The following FRMPD4 variants were observed in gnomAD, a reference collection of about 807,000 sequenced individuals.
FRMPD4 encodes the protein FERM and PDZ domain-containing protein 4.
Under a neutral mutation model 94.1 loss-of-function variants are expected in FRMPD4, and 22 were observed. The ratio of observed to expected loss-of-function variants is 0.23; its 90% CI spans 0.17 to 0.33. The LOEUF (loss-of-function observed/expected upper bound fraction) is 0.33, where lower values mean the gene tolerates loss of function less well. Among genes scored for constraint, FRMPD4 ranks in the 10% least tolerant of loss-of-function variants. The pLI is 1.00. For synonymous variants in FRMPD4, 631 were observed against 548.6 expected, an observed-to-expected ratio of 1.15 and a Z score of -2.10; for missense variants, 1,111 against 1,339.9, an observed-to-expected ratio of 0.83 and a Z score of 2.67.
At chrX:11,930,221 C>T (rs1234718111) in intron 3 of FRMPD4, among the ~76,000 whole-genome samples, 1 of 107,711 alleles carries the variant, frequency 9.3e-6, no homozygotes, top group Non-Finnish European at 1.9e-5. Context: ...GTGGCCCAAT[C>T]ACAGCCTGCA....
At chrX:12,468,663 AC>A (rs1308370156) in intron 1 of FRMPD4, among the ~76,000 whole-genome samples, 3 of 111,673 alleles carry the variant, frequency 2.7e-5, no homozygotes, top group Non-Finnish European at 5.6e-5. Flanking sequence ...CAACAGATAT[AC>A]CCAAAAGGGG....
intron 2 of FRMPD4, among the ~76,000 whole-genome samples, chrX:12,537,609 G>A (rs1015033574): frequency 4.7e-5 from 5 of 106,790 alleles, no homozygotes; most frequent in African/African-American, 1.4e-4. Flanking sequence ...CATGCCACCC[G>A]CCTGGCTTAT....
At chrX:12,108,009 A>G (rs1426752681) in intron 3 of FRMPD4, among the ~76,000 whole-genome samples, 1 of 112,160 alleles carries the variant, frequency 8.9e-6, no homozygotes, top group Non-Finnish European at 1.9e-5. Context: ...GCAGGATATT[A>G]TCCAGGAGAA....
In FRMPD4 at chrX:12,498,956, T is replaced by C. The variant is rs1423198972; in HGVS notation, c.158+160T>C. 4.5e-5 allele frequency among the ~76,000 whole-genome samples: 5 copies of C among 110,473 alleles called. No individual in the cohort carries two copies. The East Asian group carries it at 1.4e-3, about 31-fold the overall frequency. Reference sequence around the variant, plus strand: ...TAAGCCAGCTGCTTATATTTCTATATATTTATATATTTATTTCTATACATT... The same window carrying C: ...TAAGCCAGCTGCTTATATTTCTATACATTTATATATTTATTTCTATACATT... On this transcript the variant is annotated intron_variant, in intron 2 of 16. Transcript: ENST00000675598.
intron 16 of FRMPD4, among the ~76,000 whole-genome samples, chrX:12,720,049 G>GGAAAGAAAGAAAGAAAGAAA (rs199713463): frequency 9.6e-4 from 38 of 39,572 alleles, no homozygotes; most frequent in African/African-American, 4.5e-3. Context: ...GGAAAGGAAA[G>GGAAAGAAAGAAAGAAAGAAA]GAAAGAAAGA....
chrX:12,659,347 T>G (rs1005627001), intron 4 of FRMPD4, among the ~76,000 whole-genome samples: 3 of 113,048 alleles, frequency 2.7e-5, no homozygotes, highest in African/African-American at 9.6e-5. Flanking sequence ...TGTTATTTAT[T>G]TTTTATTGAA....
At chrX:11,849,130 T>C (rs2053604387) in intron 1 of FRMPD4, among the ~76,000 whole-genome samples, 1 of 111,165 alleles carries the variant, frequency 9.0e-6, no homozygotes, top group Non-Finnish European at 1.9e-5. Flanking sequence ...AAAATCAACA[T>C]GCAAAAATCA....
At chrX:12,272,773 C>T (rs1052554238) in intron 1 of FRMPD4, among the ~76,000 whole-genome samples, 4 of 111,601 alleles carry the variant, frequency 3.6e-5, no homozygotes, top group East Asian at 5.6e-4. Context: ...GAAACAAAAG[C>T]TTAATGAAAG....
intron 4 of FRMPD4, among the ~76,000 whole-genome samples, chrX:12,644,451 G>A (rs5979701): frequency 0.46 from 51,081 of 110,025 alleles, 8,919 homozygotes; most frequent in African/African-American, 0.52. Context: ...ATTTTGTCTC[G>A]GGCAGCTGTG....
intron 1 of FRMPD4, among the ~76,000 whole-genome samples, chrX:12,497,724 A>G (rs924670622): frequency 1.8e-5 from 2 of 111,536 alleles, no homozygotes; most frequent in Non-Finnish European, 3.8e-5. Context: ...AGGTGGTTAA[A>G]ATTATGCAAA....
chrX:12,621,955 A>T (rs1248618643), intron 4 of FRMPD4, among the ~76,000 whole-genome samples: 1 of 90,477 alleles, frequency 1.1e-5, no homozygotes, highest in African/African-American at 4.4e-5. Context: ...AGAGAGAGAG[A>T]GAAAGAAAGA....
At chrX:12,311,965 C>T (rs1479367214) in intron 1 of FRMPD4, among the ~76,000 whole-genome samples, 1 of 110,850 alleles carries the variant, frequency 9.0e-6, no homozygotes, top group African/African-American at 3.3e-5. Context: ...TCAGATCTTA[C>T]GTCTTCAAGT....
chrX:11,848,905 G>T (rs1215389760), intron 1 of FRMPD4, among the ~76,000 whole-genome samples: 2 of 111,632 alleles, frequency 1.8e-5, no homozygotes, highest in Non-Finnish European at 3.8e-5. Flanking sequence ...AGAAGAGAAG[G>T]ATGCCTGCTT....
At chrX:12,668,103 G>A (rs2059798568) in intron 4 of FRMPD4, among the ~76,000 whole-genome samples, 1 of 112,047 alleles carries the variant, frequency 8.9e-6, no homozygotes, top group Non-Finnish European at 1.9e-5. Flanking sequence ...GCTTAAAAGT[G>A]TCATCTTCTA....
chrX:12,651,180 C>T (rs1252808152), intron 4 of FRMPD4, among the ~76,000 whole-genome samples: 2 of 112,144 alleles, frequency 1.8e-5, no homozygotes, highest in Non-Finnish European at 3.8e-5. Context: ...AAAACATCCT[C>T]GCAAATGCTC....
intron 1 of FRMPD4, among the ~76,000 whole-genome samples, chrX:12,390,198 T>C (rs1266413749): frequency 1.8e-5 from 2 of 112,524 alleles, no homozygotes; most frequent in Non-Finnish European, 3.8e-5. Context: ...ATTGTGGTTT[T>C]ATTTTCAGTC....
At chrX:12,004,424 C>T (rs761715333) in intron 3 of FRMPD4, among the ~76,000 whole-genome samples, 14 of 111,806 alleles carry the variant, frequency 1.3e-4, no homozygotes, top group Non-Finnish European at 2.3e-4. Flanking sequence ...ATCTAATCTC[C>T]ATGCAGCCCA....
intron 1 of FRMPD4, among the ~76,000 whole-genome samples, chrX:11,864,937 T>G (rs2147300547): frequency 9.0e-6 from 1 of 111,538 alleles, no homozygotes; most frequent in Non-Finnish European, 1.9e-5. Context: ...AAATTGAGGG[T>G]GGTAGAGGTA....
At chrX:12,162,019 A>G (rs1446413957) in intron 1 of FRMPD4, among the ~76,000 whole-genome samples, 30 of 111,730 alleles carry the variant, frequency 2.7e-4, no homozygotes. Context: ...CGGCCTTTGT[A>G]CATTTTGTTT....
Sources: gnomAD v4.1 joint callset for allele counts (sites outside exome capture counted in the v4.1 genomes callset) on GRCh38, gnomAD v4.1.1 for gene constraint, MANE v1.5 for transcripts, NCBI Gene and HGNC (gene_info 2026-07-23, HGNC 2026-07-21) for gene names.